The following SMARCB1 variants were observed in gnomAD, a reference collection of about 807,000 sequenced individuals.
SMARCB1 encodes the protein SWI/SNF-related matrix-associated actin-dependent regulator of chromatin subfamily B member 1.
Under a neutral mutation model 49.0 loss-of-function variants are expected in SMARCB1, and 5 were observed. The ratio of observed to expected loss-of-function variants is 0.10; its 90% confidence interval spans 0.05 to 0.21. The LOEUF is 0.21. SMARCB1 is among the 10% of genes least tolerant of loss of function. SMARCB1 has a pLI of 1.00. For missense variants in SMARCB1, 226 were observed against 509.2 expected (o/e 0.44, Z 5.35); for synonymous variants, 201 against 200.1 (o/e 1.00, Z -0.04).
At chr22:23,817,982 A>T (rs8135957) in intron 6 of SMARCB1, 18,817 of 151,968 alleles carry the variant, frequency 0.12, 1,260 homozygotes, top group South Asian at 0.27. Context: ...CCCGCCACTA[A>T]GCCAGGCTAA....
intron 5 of SMARCB1, among the ~76,000 whole-genome samples, chr22:23,814,248 A>G (rs1274104020): frequency 2.0e-5 from 3 of 152,242 alleles, no homozygotes; most frequent in Admixed American, 2.0e-4. Flanking sequence ...GTGATGGAAC[A>G]GAATTGAGAA....
At chr22:23,793,212 G>T in intron 2 of SMARCB1, 1 of 377,898 alleles carries the variant, frequency 2.6e-6, no homozygotes, top group Non-Finnish European at 5.1e-6. Context: ...CTTTTCCCCT[G>T]AGTGAGGACC....
rs185875065 is a variant in SMARCB1, at chr22:23,802,639, C to T, written c.501-656C>T. The T allele has an allele frequency of 7.6e-4, 126 of 166,742 alleles. 3 individuals are homozygous for T. The highest frequency in any genetic ancestry group is 2.4e-4 in the Non-Finnish European group (18 of 75,532). The allele number at this position is 166,742 out of a possible 1,614,324, so 10.3% of individuals were successfully genotyped here. On this transcript the variant is annotated intron_variant, in intron 4 of 8. Transcript: ENST00000644036. ...CCTCCCAAGGTCACTGGGGGCCTTT[C>T]GCAGCCCTCTCCATGCTCCCAGACG...
chr22:23,837,901 A>C lies in SMARCB1; in HGVS notation c.*3721A>C. On this transcript the variant is annotated 3_prime_UTR_variant, in exon 9 of 9. Transcript: ENST00000644036. The stretch of plus-strand genomic sequence containing the variant: ...CCGGTGCAGGCCTCAGCCCAAGCCC[A>C]GGGCCCCTCTGACTTCCCAAGACCC... 1 of 1,562,138 alleles carries C rather than the reference A, an allele frequency of 6.4e-7. No individual in the cohort carries two copies. The highest frequency in any genetic ancestry group is 2.3e-5 in the East Asian group (1 of 43,780).
chr22:23,834,469 G>A lies in SMARCB1; in HGVS notation c.*289G>A, dbSNP rs1432139309. The A allele has an allele frequency of 2.9e-6, 2 of 679,392 alleles. No homozygotes were observed. The highest frequency in any genetic ancestry group is 1.5e-5 in the South Asian group (1 of 66,666). The allele number at this position is 679,392 out of a possible 1,614,324, so 42.1% of individuals were successfully genotyped here. A position where few individuals can be genotyped will look rare whatever the true frequency, so the allele number is the denominator to read the frequency against. On this transcript the variant is annotated 3_prime_UTR_variant, in exon 9 of 9. Coordinates refer to ENST00000644036, the MANE Select transcript of SMARCB1 (RefSeq NM_003073.5). The stretch of plus-strand genomic sequence containing the variant: ...TGTATAGGAGCCCCAGGCAGGGCTA[G>A]TAACAGTTTTTAAATAAAAGGCAAC...
At chr22:23,801,220 G>T in intron 4 of SMARCB1, 139 bp downstream of exon 4, 1 of 1,204,432 alleles carries the variant, frequency 8.3e-7, no homozygotes. Flanking sequence ...CCTCGCCTTT[G>T]AACTGTTGTG....
At chr22:23,808,164 A>T (rs886176650) in intron 5 of SMARCB1, among the ~76,000 whole-genome samples, 1 of 144,346 alleles carries the variant, frequency 6.9e-6, no homozygotes, top group African/African-American at 2.6e-5. Context: ...TCTGTCGCCC[A>T]CTCTGGAGTG....
chr22:23,825,022 GA>G (rs2030306430), intron 6 of SMARCB1: 3 of 618,418 alleles, frequency 4.9e-6, no homozygotes, highest in Non-Finnish European at 8.7e-6. Context: ...GCTGGGCCCT[GA>G]GCCAGAGCCC....
intron 5 of SMARCB1, among the ~76,000 whole-genome samples, chr22:23,808,241 C>G (rs1929636692): frequency 6.6e-6 from 1 of 152,096 alleles, no homozygotes; most frequent in Non-Finnish European, 1.5e-5. Flanking sequence ...CTGCCTCAGC[C>G]TCCCGAGCAG....
intron 3 of SMARCB1, among the ~76,000 whole-genome samples, chr22:23,794,404 G>A (rs1450109649): frequency 6.6e-6 from 1 of 152,160 alleles, no homozygotes; most frequent in Non-Finnish European, 1.5e-5. Context: ...TGGGACTCGT[G>A]GGGCACAGTG....
intron 7 of SMARCB1, among the ~76,000 whole-genome samples, chr22:23,830,649 CTTTTTTT>C (rs56800497): frequency 5.8e-4 from 55 of 95,412 alleles, no homozygotes; most frequent in African/African-American, 2.7e-3. Context: ...TCCAATTTAT[CTTTTTTT>C]TTTTTTTTTT....
rs565191485 is a variant in SMARCB1 at position 23,797,456 on chromosome 22, C to CT, written c.363-3487dup. Among the ~76,000 whole-genome samples, 35 of 151,432 alleles carry CT rather than the reference C, an allele frequency of 2.3e-4. 1 individual carries two copies. The highest frequency in any genetic ancestry group is 4.7e-4 in the Non-Finnish European group (32 of 67,874). On this transcript the variant is annotated intron_variant, in intron 3 of 8. Coordinates refer to ENST00000644036, the MANE Select transcript of SMARCB1 (RefSeq NM_003073.5). ...CCCGAGTAGCTGGAACTACAGGTGT[C>CT]TGTCACCACGCCCGTCTAATTTTTT...
At chr22:23,803,210 C>T (rs1601404717) in intron 4 of SMARCB1, 85 bp from the exon 5 acceptor site, 2 of 1,576,078 alleles carry the variant, frequency 1.3e-6, no homozygotes, top group African/African-American at 2.7e-5. Flanking sequence ...TTTGCAGAAG[C>T]CTGCTGTGCA....
At chr22:23,804,337 T>C (rs1929360015) in intron 5 of SMARCB1, 1 of 152,092 alleles carries the variant, frequency 6.6e-6, no homozygotes, top group Non-Finnish European at 1.5e-5. Flanking sequence ...CCCAAATAGC[T>C]AGGAATACAG....
intron 7 of SMARCB1, 128 bp from the exon 8 acceptor site, chr22:23,833,444 T>A: frequency 7.5e-7 from 1 of 1,325,376 alleles, no homozygotes; most frequent in Non-Finnish European, 1.1e-6. Context: ...TTCAGGTGAC[T>A]GGAGCATCCA....
Position 23,787,212 on chromosome 22 carries a change from G to T in SMARCB1, c.43G>T (p.Val15Leu), listed in dbSNP as rs1379787699. 1 of 1,608,830 alleles carries T rather than the reference G, an allele frequency of 6.2e-7. No homozygotes were observed. Among genetic ancestry groups the T allele is most frequent in the Non-Finnish European group, 8.5e-7 (1 of 1,177,286 alleles). ...GAGCAAGACCTTCGGGCAGAAGCCCGTGAAGTTCCAGCTGGAGGACGACGG... is the reference window on the plus strand; with the variant it reads ...GAGCAAGACCTTCGGGCAGAAGCCCTTGAAGTTCCAGCTGGAGGACGACGG... ...ALSKTFGQKP[V>L]KFQLEDDGEF... The change falls in exon 1 of 9, where the codon GTG (valine) becomes TTG (leucine). Residue 15 changes from valine to leucine, a missense_variant. Val to Leu is a conservative substitution (Grantham distance 32, BLOSUM62 1). This residue lies in a region of SMARCB1 where 37 missense variants were observed against 36.9 expected (regional missense o/e 1.00). Transcript: ENST00000644036.
intron 3 of SMARCB1, among the ~76,000 whole-genome samples, chr22:23,795,036 C>A (rs1307971948): frequency 6.6e-6 from 1 of 151,960 alleles, no homozygotes; most frequent in Non-Finnish European, 1.5e-5. Context: ...AACTTGGATA[C>A]CCCAACAAAT....
chr22:23,800,950 G>A lies in SMARCB1; in HGVS notation c.369G>A (p.Gln123=), dbSNP rs760015392. The change falls in exon 4 of 9, where the codon CAG becomes CAA. Residue 123 remains glutamine, a synonymous_variant. Transcript: ENST00000644036. The part of the protein sequence containing the change: ...STEPPTYLRE[Q]KAKRNSQWVP... ...TTTTCTTGTATCTCCTCAGGGAACA[G>A]AAGGCCAAGAGGAACAGCCAGTGGG... 9 of 1,613,386 alleles carry A rather than the reference G, an allele frequency of 5.6e-6. No individual in the cohort carries two copies. The African/African-American group carries it at 9.3e-5, about 17-fold the overall frequency.
At chr22:23,813,993 C>G (rs370802229) in intron 5 of SMARCB1, among the ~76,000 whole-genome samples, 25 of 152,144 alleles carry the variant, frequency 1.6e-4, no homozygotes, top group East Asian at 9.7e-4. Flanking sequence ...CCATGCCTGG[C>G]TAATTTTTGT....
Sources: allele counts gnomAD v4.1 joint callset (sites outside exome capture counted in the v4.1 genomes callset), GRCh38; gene constraint gnomAD v4.1.1; regional missense constraint gnomAD v4.1.1; transcripts MANE v1.5; gene names NCBI Gene and HGNC (gene_info 2026-07-23, HGNC 2026-07-21).